NDRG1: variants seen among roughly 807,000 people sequenced by gnomAD.
NDRG1 encodes N-myc downstream regulated 1, also known as protein NDRG1.
NDRG1 carries 32 observed loss-of-function variants against 56.9 expected under a neutral mutation model. That is an observed-to-expected ratio of 0.56 (90% CI 0.42 to 0.76). The LOEUF (loss-of-function observed/expected upper bound fraction) is 0.76. Among genes scored for constraint, NDRG1 ranks in the 30% least tolerant of loss-of-function variants. NDRG1 has a pLI of 0.00. For synonymous variants in NDRG1, 211 were observed against 204.1 expected (o/e 1.03, Z -0.29); for missense variants, 507 against 545.7 (o/e 0.93, Z 0.71).
intron 7 of NDRG1, 54 bp from the exon 8 acceptor site, chr8:133,256,917 G>C: frequency 6.4e-7 from 1 of 1,551,706 alleles, no homozygotes; most frequent in African/African-American, 1.4e-5. Context: ...GAAACACTAG[G>C]AACTTTCCAA....
Position 133,267,400 on chromosome 8 carries a change from C to T in NDRG1, c.100-2748G>A, listed in dbSNP as rs570785921. 2.6e-5 allele frequency among the ~76,000 whole-genome samples: 4 copies of T among 152,270 alleles called. 1 individual carries two copies. In the East Asian group the frequency reaches 5.8e-4, roughly 22 times the overall value. ...TGGGAGCACCCGGGCCCGCCCAGCA[C>T]GGGGTCATCCTGGCACCTGCATTAG... On this transcript the variant is annotated intron_variant, in intron 3 of 15. Transcript: ENST00000323851.
intron 1 of NDRG1, among the ~76,000 whole-genome samples, chr8:133,285,634 T>C (rs1181048559): frequency 6.6e-6 from 1 of 152,202 alleles, no homozygotes; most frequent in Non-Finnish European, 1.5e-5. Context: ...CCATCCCTTG[T>C]GCCAACACAT....
intron 1 of NDRG1, among the ~76,000 whole-genome samples, chr8:133,296,230 G>C (rs1458798509): frequency 6.6e-6 from 1 of 151,734 alleles, no homozygotes; most frequent in Non-Finnish European, 1.5e-5. Flanking sequence ...GGGCAGGAGC[G>C]GCCAGCACCA....
intron 4 of NDRG1, among the ~76,000 whole-genome samples, chr8:133,264,101 T>C (rs1856791310): frequency 6.6e-6 from 1 of 152,076 alleles, no homozygotes; most frequent in Non-Finnish European, 1.5e-5. Flanking sequence ...ACATATTATT[T>C]GATTCAATGT....
At chr8:133,265,522 T>C (rs1352559680) in intron 3 of NDRG1, among the ~76,000 whole-genome samples, 2 of 152,280 alleles carry the variant, frequency 1.3e-5, no homozygotes, top group South Asian at 2.1e-4. Flanking sequence ...AATGATACCA[T>C]GCCCATCCTC....
At chr8:133,255,359 ACACAT>A (rs759830725) in intron 8 of NDRG1, 2 of 456,228 alleles carry the variant, frequency 4.4e-6, no homozygotes, top group Non-Finnish European at 8.8e-6. Flanking sequence ...AAGTAACTGC[ACACAT>A]CACAGTATCT....
chr8:133,275,834 G>T (rs1857427615), intron 3 of NDRG1, among the ~76,000 whole-genome samples: 1 of 152,156 alleles, frequency 6.6e-6, no homozygotes, highest in African/African-American at 2.4e-5. Context: ...CCGTAGGATG[G>T]GGACAGGATC....
At chr8:133,278,075 G>A (rs994333959) in intron 3 of NDRG1, among the ~76,000 whole-genome samples, 4 of 152,204 alleles carry the variant, frequency 2.6e-5, no homozygotes, top group African/African-American at 9.6e-5. Context: ...TGACATTTCA[G>A]CCACAGGGAA....
chr8:133,265,683 T>G (rs915909986), intron 3 of NDRG1, among the ~76,000 whole-genome samples: 2 of 152,086 alleles, frequency 1.3e-5, no homozygotes, highest in Non-Finnish European at 2.9e-5. Flanking sequence ...CTGCTCACCT[T>G]TCTTCCTCTG....
chr8:133,242,115 G>A (rs748458814), intron 14 of NDRG1, 41 bp from the exon 15 acceptor site: 5 of 1,611,876 alleles, frequency 3.1e-6, no homozygotes, highest in African/African-American at 1.3e-5. Context: ...AGTTGCTGGG[G>A]AGCCAGATCA....
In NDRG1 at chr8:133,284,337, G is replaced by A. The variant is rs369183495; in HGVS notation, c.-18-8C>T. The A allele has an allele frequency of 1.9e-6, 3 of 1,614,036 alleles. No individual in the cohort carries two copies. Among genetic ancestry groups the A allele is most frequent in the Non-Finnish European group, 8.5e-7 (1 of 1,179,960 alleles). The stretch of plus-strand genomic sequence containing the variant: ...GTCCCTGCTGTCACCTGCCTGCAAG[G>A]AGACAAAGGCCAAAAGGTCAACACT... On this transcript the variant is annotated splice_region_variant and splice_polypyrimidine_tract_variant and intron_variant, in intron 1 of 15. Coordinates refer to ENST00000323851, the MANE Select transcript of NDRG1 (RefSeq NM_006096.4).
chr8:133,262,051 C>T lies in NDRG1; in HGVS notation c.322G>A (p.Ala108Thr), dbSNP rs144310406. Residue 108 changes from alanine (A) to threonine (T), a missense_variant, in exon 5 of 16, where the codon GCA (alanine) becomes ACA (threonine). By Grantham distance (58) the Ala-to-Thr change is moderately conservative. Coordinates refer to ENST00000323851, the MANE Select transcript of NDRG1 (RefSeq NM_006096.4). The stretch of plus-strand genomic sequence containing the variant: ...ATAGGGCAAGAGGCCTCTCACCCTG[C>T]GGGGAAGGAGGCTGCGCCGTCCTGC... ...GQQDGAASFP[A>T]GYMYPSMDQL... The T allele has an allele frequency of 5.6e-6, 9 of 1,611,036 alleles. No homozygotes were observed. The highest frequency in any genetic ancestry group is 3.3e-5 in the South Asian group (3 of 90,904).
At chr8:133,286,124 A>G (rs927878519) in intron 1 of NDRG1, among the ~76,000 whole-genome samples, 3 of 152,222 alleles carry the variant, frequency 2.0e-5, no homozygotes, top group African/African-American at 7.2e-5. Context: ...TCAAGCAGGT[A>G]GCTTGTTCTT....
chr8:133,242,050 T>C lies in NDRG1; in HGVS notation c.916A>G (p.Lys306Glu). 4 of 1,614,184 alleles carry C rather than the reference T, an allele frequency of 2.5e-6. No individual in the cohort carries two copies. Among genetic ancestry groups the C allele is most frequent in the Non-Finnish European group, 3.4e-6 (4 of 1,180,026 alleles). The change falls in exon 15 of 16, where the codon AAG becomes GAG. Residue 306 changes from lysine to glutamate, a missense_variant. Coordinates refer to ENST00000323851, the MANE Select transcript of NDRG1 (RefSeq NM_006096.4). ...SQPAKLAEAF[K>E]YFVQGMGYMP... ...TATCCCATGCCCTGCACGAAGTACTTGAAGGCCTCAGCGAGCTTGGCCGGC... is the reference window on the plus strand; with the variant it reads ...TATCCCATGCCCTGCACGAAGTACTCGAAGGCCTCAGCGAGCTTGGCCGGC...
chr8:133,246,552 T>A (rs1855690545), intron 13 of NDRG1, 64 bp downstream of exon 13: 1 of 1,534,336 alleles, frequency 6.5e-7, no homozygotes, highest in Non-Finnish European at 9.0e-7. Flanking sequence ...AACTCAATGT[T>A]GCAGAAAACG....
intron 13 of NDRG1, among the ~76,000 whole-genome samples, chr8:133,245,844 T>A (rs919521503): frequency 1.3e-5 from 2 of 152,208 alleles, no homozygotes; most frequent in Non-Finnish European, 2.9e-5. Context: ...AGAAAATCTA[T>A]GTAAAGAGCC....
intron 3 of NDRG1, among the ~76,000 whole-genome samples, chr8:133,267,208 C>T (rs565475365): frequency 1.6e-4 from 25 of 152,242 alleles, no homozygotes; most frequent in African/African-American, 4.6e-4. Context: ...AGAGGGTGGT[C>T]GTGACTCTTT....
At chr8:133,254,686 G>A in intron 8 of NDRG1, 91 bp from the exon 9 acceptor site, 4 of 1,326,430 alleles carry the variant, frequency 3.0e-6, no homozygotes, top group African/African-American at 1.4e-5. Context: ...GTGCAGGGTG[G>A]CATTGCTGGA....
In NDRG1 at chr8:133,237,993, T is replaced by C. The variant is rs548112021; in HGVS notation, c.*885A>G. On this transcript the variant is annotated 3_prime_UTR_variant, in exon 16 of 16. Transcript: ENST00000323851. ...CACAGCCAGGGCAGCTGTGGAATGT[T>C]GCCCTCCATTCTAAGGAATGCAAAA... is the stretch of plus-strand genomic sequence containing the variant. 6 of 233,204 alleles carry C rather than the reference T, an allele frequency of 2.6e-5. No homozygotes were observed. The East Asian group carries it at 3.6e-4, about 14-fold the overall frequency. 14.4% of individuals were successfully genotyped at this position (233,204 alleles called of 1,614,324 possible).
Sources: gnomAD v4.1 joint callset for allele counts (sites outside exome capture counted in the v4.1 genomes callset) on GRCh38, gnomAD v4.1.1 for gene constraint, MANE v1.5 for transcripts, NCBI Gene and HGNC (gene_info 2026-07-23, HGNC 2026-07-21) for gene names.